DYNC1I1: variants seen among roughly 807,000 people sequenced by gnomAD.
The protein encoded by DYNC1I1 is dynein cytoplasmic 1 intermediate chain 1.
Under a neutral mutation model 86.6 loss-of-function variants are expected in DYNC1I1, and 43 were observed. The ratio of observed to expected loss-of-function variants is 0.50; its 90% CI spans 0.39 to 0.64. The LOEUF is 0.64. DYNC1I1 is among the 30% of genes least tolerant of loss of function. The pLI is 0.00. For synonymous variants in DYNC1I1, 262 were observed against 283.7 expected, an observed-to-expected ratio of 0.92 and a Z score of 0.77; for missense variants, 604 against 788.8, an observed-to-expected ratio of 0.77 and a Z score of 2.81.
chr7:95,792,911 C>T (rs2261654), intron 1 of DYNC1I1, among the ~76,000 whole-genome samples: 2,801 of 152,044 alleles, frequency 0.018, 89 homozygotes, highest in African/African-American at 0.064. Flanking sequence ...ACTTGGTATG[C>T]GCCAGTAAAT....
intron 6 of DYNC1I1, among the ~76,000 whole-genome samples, chr7:95,943,765 C>A (rs1792309838): frequency 6.6e-6 from 1 of 151,024 alleles, no homozygotes; most frequent in South Asian, 2.1e-4. Flanking sequence ...GAAAAACAAG[C>A]AATGGGGAAA....
At chr7:95,786,213 G>A (rs1262639676) in intron 1 of DYNC1I1, among the ~76,000 whole-genome samples, 1 of 151,986 alleles carries the variant, frequency 6.6e-6, no homozygotes, top group Non-Finnish European at 1.5e-5. Flanking sequence ...GTTCCCCATT[G>A]CGCCCTGCCA....
intron 10 of DYNC1I1, among the ~76,000 whole-genome samples, chr7:96,012,202 C>G (rs1255487986): frequency 6.6e-6 from 1 of 151,990 alleles, no homozygotes; most frequent in African/African-American, 2.4e-5. Flanking sequence ...GAGAGTAGTT[C>G]CACTAATGTA....
intron 6 of DYNC1I1, among the ~76,000 whole-genome samples, chr7:95,911,213 A>T (rs1228479747): frequency 2.6e-5 from 4 of 152,194 alleles, no homozygotes; most frequent in African/African-American, 7.2e-5. Context: ...GGAGTCTTGA[A>T]GCCAGGGAAA....
chr7:95,998,573 G>A (rs1793929743), intron 10 of DYNC1I1, among the ~76,000 whole-genome samples: 1 of 152,164 alleles, frequency 6.6e-6, no homozygotes, highest in African/African-American at 2.4e-5. Flanking sequence ...CACTAACTCA[G>A]GGAAATCACG....
chr7:95,840,289 A>G (rs1789245654), intron 5 of DYNC1I1, among the ~76,000 whole-genome samples: 1 of 151,618 alleles, frequency 6.6e-6, no homozygotes, highest in African/African-American at 2.4e-5. Flanking sequence ...TGCTCCTCTG[A>G]CTAGAGGATT....
At chr7:95,892,063 G>A (rs1232638677) in intron 6 of DYNC1I1, among the ~76,000 whole-genome samples, 1 of 152,062 alleles carries the variant, frequency 6.6e-6, no homozygotes, top group Non-Finnish European at 1.5e-5. Context: ...TGCCTCCCAG[G>A]TTTAAGTGAT....
intron 6 of DYNC1I1, among the ~76,000 whole-genome samples, chr7:95,903,208 C>T (rs534521099): frequency 1.3e-5 from 2 of 152,194 alleles, no homozygotes; most frequent in South Asian, 2.1e-4. Context: ...TAGTAAGTAC[C>T]GTATATTGAA....
chr7:96,037,352 G>A (rs1283551067), intron 13 of DYNC1I1, among the ~76,000 whole-genome samples: 2 of 152,156 alleles, frequency 1.3e-5, no homozygotes, highest in African/African-American at 4.8e-5. Context: ...AAAGTGCATT[G>A]TTAGGTTCTG....
chr7:95,837,164 G>A (rs1156470155), intron 5 of DYNC1I1, among the ~76,000 whole-genome samples: 3 of 149,018 alleles, frequency 2.0e-5, no homozygotes, highest in Non-Finnish European at 4.5e-5. Context: ...TGTCCTTTCT[G>A]TTTGTTAGTT....
chr7:96,045,953 C>A (rs149372393), intron 14 of DYNC1I1, among the ~76,000 whole-genome samples: 5 of 152,306 alleles, frequency 3.3e-5, no homozygotes, highest in African/African-American at 1.2e-4. Flanking sequence ...GTTACATATT[C>A]TAGCACAATG....
At chr7:95,808,198 A>T (rs1794746351) in intron 2 of DYNC1I1, among the ~76,000 whole-genome samples, 1 of 152,196 alleles carries the variant, frequency 6.6e-6, no homozygotes, top group African/African-American at 2.4e-5. Context: ...ATAGAGAATC[A>T]GAAATAGCTT....
intron 9 of DYNC1I1, among the ~76,000 whole-genome samples, chr7:95,990,866 C>T (rs761335021): frequency 6.6e-6 from 1 of 151,848 alleles, no homozygotes; most frequent in African/African-American, 2.4e-5. Flanking sequence ...CCCATCTCTA[C>T]AAAAAATACA....
Position 95,804,874 on chromosome 7 carries a change from G to C in DYNC1I1, c.108+37G>C, listed in dbSNP as rs563242747. The C allele has an allele frequency of 7.8e-6, 12 of 1,533,382 alleles. No homozygotes were observed. In the African/African-American group the frequency reaches 1.4e-4, roughly 18 times the overall value. The allele number at this position is 1,533,382 out of a possible 1,614,324, so 95.0% of individuals were successfully genotyped here. On this transcript the variant is annotated intron_variant, in intron 2 of 16. Coordinates refer to ENST00000447467, the MANE Select transcript of DYNC1I1 (RefSeq NM_001135556.2). ...GTGTTGGGGTGTTGTGGGGGAAAAA[G>C]GAAAATCACTTGATTCTGAGGGGCT...
At chr7:95,982,414 T>G (rs2115669590) in intron 7 of DYNC1I1, among the ~76,000 whole-genome samples, 1 of 152,316 alleles carries the variant, frequency 6.6e-6, no homozygotes, top group South Asian at 2.1e-4. Flanking sequence ...GCAAGCACAC[T>G]TTGATCAGCC....
intron 1 of DYNC1I1, among the ~76,000 whole-genome samples, chr7:95,784,010 C>A: frequency 6.6e-6 from 1 of 152,168 alleles, no homozygotes; most frequent in East Asian, 1.9e-4. Context: ...TTAGTACAAA[C>A]ATTGACTTCC....
At chr7:95,835,146 C>A (rs1182441784) in intron 5 of DYNC1I1, among the ~76,000 whole-genome samples, 1 of 81,932 alleles carries the variant, frequency 1.2e-5, no homozygotes, top group Non-Finnish European at 2.3e-5. Context: ...GCTTTGAATG[C>A]GTCCCAGACA....
chr7:96,015,073 A>C (rs1794368919), intron 10 of DYNC1I1, among the ~76,000 whole-genome samples: 1 of 152,132 alleles, frequency 6.6e-6, no homozygotes, highest in African/African-American at 2.4e-5. Context: ...CATCATCACA[A>C]GTCTATGCAC....
chr7:95,798,136 G>T (rs950646926), intron 1 of DYNC1I1, among the ~76,000 whole-genome samples: 1 of 152,084 alleles, frequency 6.6e-6, no homozygotes, highest in Non-Finnish European at 1.5e-5. Flanking sequence ...ATTTTTAAGG[G>T]TATAACAGGG....
Sources: gnomAD v4.1 joint callset for allele counts (sites outside exome capture counted in the v4.1 genomes callset) on GRCh38, gnomAD v4.1.1 for gene constraint, MANE v1.5 for transcripts, NCBI Gene and HGNC (gene_info 2026-07-23, HGNC 2026-07-21) for gene names.